SH3D19: variants seen among roughly 807,000 people sequenced by gnomAD.
The protein encoded by SH3D19 is SH3 domain containing 19.
SH3D19 carries 58 observed loss-of-function variants against 112.1 expected under a neutral mutation model. The ratio of observed to expected loss-of-function variants is 0.52; its 90% confidence interval spans 0.42 to 0.64. SH3D19 has a LOEUF of 0.64. Among genes scored for constraint, SH3D19 ranks in the 30% least tolerant of loss-of-function variants. SH3D19 has a pLI of 0.00. For missense variants in SH3D19, 1,090 were observed against 1,263.4 expected (o/e 0.86, Z 2.08); for synonymous variants, 391 against 448.5 (o/e 0.87, Z 1.62).
intron 14 of SH3D19, 76 bp from the exon 15 acceptor site, chr4:151,135,208 A>T: frequency 8.3e-7 from 1 of 1,209,354 alleles, no homozygotes; most frequent in South Asian, 1.4e-5. Flanking sequence ...TTAAGTAATT[A>T]GAAAGTACAT....
At position 151,291,311 on chromosome 4, in the gene SH3D19, T is replaced by C. The variant is rs762138153; in HGVS notation, c.112+33930A>G. 5 of 1,613,990 alleles carry C rather than the reference T, an allele frequency of 3.1e-6. No individual in the cohort carries two copies. Among genetic ancestry groups the C allele is most frequent in the Non-Finnish European group, 4.2e-6 (5 of 1,179,862 alleles). ...TTCTCTGACTTCTTGTTCCCTATTG[T>C]CCTACTCTCTCTGGCTCTCCTGCGT... On this transcript the variant is annotated intron_variant, in intron 1 of 19. Coordinates refer to ENST00000604030, the MANE Select transcript of SH3D19 (RefSeq NM_001378122.1).
intron 1 of SH3D19, among the ~76,000 whole-genome samples, chr4:151,235,095 C>T (rs1179308670): frequency 6.6e-6 from 1 of 151,926 alleles, no homozygotes; most frequent in Non-Finnish European, 1.5e-5. Flanking sequence ...AGGTTTGTTA[C>T]ATGTTTCAAA....
intron 1 of SH3D19, among the ~76,000 whole-genome samples, chr4:151,264,782 T>C (rs1772644806): frequency 1.3e-5 from 2 of 152,314 alleles, no homozygotes; most frequent in Admixed American, 1.3e-4. Flanking sequence ...GCTGCCTTAT[T>C]TTCTTTTTTT....
At chr4:151,316,735 C>G (rs1730024467) in intron 1 of SH3D19, among the ~76,000 whole-genome samples, 2 of 151,852 alleles carry the variant, frequency 1.3e-5, no homozygotes, top group South Asian at 4.1e-4. Flanking sequence ...AGCCCATCCC[C>G]ACCACAAGGA....
At chr4:151,190,250 A>C (rs1762414391) in intron 2 of SH3D19, among the ~76,000 whole-genome samples, 1 of 152,218 alleles carries the variant, frequency 6.6e-6, no homozygotes, top group African/African-American at 2.4e-5. Flanking sequence ...AGCAGAGCAT[A>C]AAAGTTGGGG....
intron 11 of SH3D19, 89 bp downstream of exon 11, chr4:151,147,833 T>C: frequency 2.1e-6 from 3 of 1,459,988 alleles, no homozygotes; most frequent in Non-Finnish European, 2.8e-6. Context: ...CCACATTTGT[T>C]CCATCATCTT....
At chr4:151,275,400 T>C (rs2150000825) in intron 1 of SH3D19, among the ~76,000 whole-genome samples, 1 of 152,338 alleles carries the variant, frequency 6.6e-6, no homozygotes, top group East Asian at 1.9e-4. Flanking sequence ...AGATACATTT[T>C]TGAGGAGACA....
intron 10 of SH3D19, among the ~76,000 whole-genome samples, 197 bp from the exon 11 acceptor site, chr4:151,148,383 A>G (rs1754321109): frequency 1.3e-5 from 2 of 152,290 alleles, no homozygotes; most frequent in South Asian, 4.1e-4. Context: ...ACATTACATT[A>G]TTAGAGGAAA....
intron 8 of SH3D19, among the ~76,000 whole-genome samples, chr4:151,162,503 A>C (rs1289101611): frequency 6.6e-6 from 1 of 152,096 alleles, no homozygotes; most frequent in Non-Finnish European, 1.5e-5. Context: ...TCAGGATTTC[A>C]AAGCTTATTA....
intron 1 of SH3D19, chr4:151,290,980 G>A (rs1262853726): frequency 3.3e-6 from 2 of 606,308 alleles, no homozygotes; most frequent in East Asian, 5.5e-5. Flanking sequence ...CTAAAGCAGT[G>A]ATTAGTCCAG....
At chr4:151,224,929 C>T (rs1324458300) in intron 2 of SH3D19, among the ~76,000 whole-genome samples, 1 of 151,952 alleles carries the variant, frequency 6.6e-6, no homozygotes, top group African/African-American at 2.4e-5. Flanking sequence ...ATTGTACATG[C>T]CTATCAAAAC....
At chr4:151,279,223 A>C (rs1773938308) in intron 1 of SH3D19, 1 of 222,038 alleles carries the variant, frequency 4.5e-6, no homozygotes, top group South Asian at 5.4e-5. Context: ...GAAATGTGGA[A>C]ATCTTTTTCT....
In SH3D19 at chr4:151,161,764, CT is replaced by C. The variant is rs1246826788; in HGVS notation, c.1643-2413del. ...TGTTCTCACTGTTCAATTCATACCT[CT>C]TTTTTTTTTTTTTTTTTTAGATGAG... On this transcript the variant is annotated intron_variant, in intron 8 of 19. Coordinates refer to ENST00000604030, the MANE Select transcript of SH3D19 (RefSeq NM_001378122.1). Among the ~76,000 whole-genome samples the C allele has an allele frequency of 7.7e-3, 943 of 122,480 alleles. 8 individuals carry two copies. Among genetic ancestry groups the C allele is most frequent in the South Asian group, 0.028 (106 of 3,822 alleles). 80.4% of individuals were successfully genotyped at this position (122,480 alleles called of 152,430 possible).
Position 151,175,246 on chromosome 4 carries a change from G to A in SH3D19, c.958C>T (p.Arg320Cys), listed in dbSNP as rs149484381. 2.0e-4 allele frequency: 320 copies of A among 1,614,094 alleles called. No homozygotes were observed. The highest frequency in any genetic ancestry group is 2.7e-4 in the Non-Finnish European group (314 of 1,180,040). Residue 320 changes from arginine to cysteine, a missense_variant, in exon 7 of 20, where the codon CGT (arginine) becomes TGT (cysteine). By Grantham distance (180) the Arg-to-Cys change is radical. Transcript: ENST00000604030. The part of the protein sequence containing the change: ...GLPKKPEITP[R>C]SLPPKPTVSS... ...ACAGTAGGCTTTGGAGGAAGTGAAC[G>A]TGGAGTAATTTCTGGTTTCTTGGGC...
At chr4:151,188,764 T>C (rs1172840738) in intron 2 of SH3D19, among the ~76,000 whole-genome samples, 2 of 152,230 alleles carry the variant, frequency 1.3e-5, no homozygotes, top group Non-Finnish European at 2.9e-5. Flanking sequence ...CGGAAGGTGT[T>C]ACAGGTTGAA....
At chr4:151,234,575 T>C (rs1769862470) in intron 1 of SH3D19, among the ~76,000 whole-genome samples, 1 of 152,136 alleles carries the variant, frequency 6.6e-6, no homozygotes, top group Non-Finnish European at 1.5e-5. Flanking sequence ...GTTACTTTCA[T>C]ACCTCTTTTT....
At chr4:151,146,745 G>C (rs1753986613) in intron 11 of SH3D19, among the ~76,000 whole-genome samples, 2 of 151,818 alleles carry the variant, frequency 1.3e-5, no homozygotes, top group African/African-American at 4.8e-5. Flanking sequence ...CGTTGGCCTG[G>C]CTGGTCTCAA....
chr4:151,137,365 C>A (rs1464659067), intron 14 of SH3D19, among the ~76,000 whole-genome samples: 1 of 152,018 alleles, frequency 6.6e-6, no homozygotes, highest in Non-Finnish European at 1.5e-5. Flanking sequence ...GGTACCATAA[C>A]CTCAGAGAAC....
intron 2 of SH3D19, among the ~76,000 whole-genome samples, chr4:151,201,880 C>T (rs369158500): frequency 6.6e-6 from 1 of 151,486 alleles, no homozygotes; most frequent in South Asian, 2.1e-4. Flanking sequence ...GGCATGGTGG[C>T]GGCTACCTGT....
Sources: allele counts gnomAD v4.1 joint callset (sites outside exome capture counted in the v4.1 genomes callset), GRCh38; gene constraint gnomAD v4.1.1; transcripts MANE v1.5; gene names NCBI Gene and HGNC (gene_info 2026-07-23, HGNC 2026-07-21).